The following GMDS variants were observed in gnomAD, a reference collection of about 807,000 sequenced individuals.
GMDS encodes GDP-mannose 4,6 dehydratase.
Under a neutral mutation model 49.9 loss-of-function variants are expected in GMDS, and 20 were observed. The ratio of observed to expected loss-of-function variants is 0.40; its 90% CI spans 0.28 to 0.58. The LOEUF (loss-of-function observed/expected upper bound fraction) is 0.58. Among genes scored for constraint, GMDS ranks in the 20% least tolerant of loss-of-function variants. The pLI, the probability that GMDS is intolerant of heterozygous loss-of-function variation, is 0.42. For synonymous variants in GMDS, 177 were observed against 178.6 expected (o/e 0.99, Z 0.07); for missense variants, 362 against 481.4 (o/e 0.75, Z 2.32).
intron 2 of GMDS, 88 bp downstream of exon 2, chr6:2,124,599 C>A: frequency 1.0e-6 from 1 of 964,946 alleles, no homozygotes. Context: ...GGAAAACACA[C>A]TCAGGAGGAC....
intron 7 of GMDS, among the ~76,000 whole-genome samples, chr6:1,901,078 C>T (rs778960830): frequency 2.8e-4 from 43 of 152,206 alleles, no homozygotes; most frequent in African/African-American, 9.7e-4. Context: ...GGTAGCAGAG[C>T]GTAAGCAGCC....
chr6:1,701,867 A>G (rs917947091), intron 9 of GMDS, among the ~76,000 whole-genome samples: 42 of 152,370 alleles, frequency 2.8e-4, no homozygotes, highest in African/African-American at 9.9e-4. Context: ...ACAATTTTAT[A>G]TGGAATGAAA....
chr6:1,725,967 G>C (rs570624647), intron 9 of GMDS, among the ~76,000 whole-genome samples: 2 of 152,316 alleles, frequency 1.3e-5, no homozygotes, highest in East Asian at 3.9e-4. Context: ...TAAAAAGCAG[G>C]GGAGACCATT....
At chr6:2,096,550 G>T (rs1773612616) in intron 4 of GMDS, among the ~76,000 whole-genome samples, 1 of 152,242 alleles carries the variant, frequency 6.6e-6, no homozygotes, top group South Asian at 2.1e-4. Context: ...ATTTTAAGGA[G>T]CATGACAAGC....
intron 4 of GMDS, among the ~76,000 whole-genome samples, chr6:2,004,920 C>A (rs2127386761): frequency 6.6e-6 from 1 of 152,220 alleles, no homozygotes; most frequent in East Asian, 1.9e-4. Context: ...TAAAATACAG[C>A]AACTGGAATT....
intron 9 of GMDS, among the ~76,000 whole-genome samples, chr6:1,689,871 T>C (rs1765113496): frequency 6.6e-6 from 1 of 151,550 alleles, no homozygotes; most frequent in African/African-American, 2.4e-5. Flanking sequence ...GTATTCACAC[T>C]GGCTTACAAC....
In GMDS at chr6:2,042,569, C is replaced by T. The variant is rs530360117; in HGVS notation, c.345+73202G>A. On this transcript the variant is annotated intron_variant, in intron 4 of 10. Transcript: ENST00000380815. Reference sequence around the variant, plus strand: ...CACATTTACAGGGCTCATCTATTGACAGTCCAATTTTTAAATTCCAATTTA... The same window carrying T: ...CACATTTACAGGGCTCATCTATTGATAGTCCAATTTTTAAATTCCAATTTA... 3.3e-5 allele frequency among the ~76,000 whole-genome samples: 5 copies of T among 152,284 alleles called. No homozygotes were observed. In the East Asian group the frequency reaches 5.8e-4, roughly 18 times the overall value.
chr6:1,749,467 C>T (rs753015944), intron 7 of GMDS, among the ~76,000 whole-genome samples: 5 of 152,056 alleles, frequency 3.3e-5, no homozygotes, highest in African/African-American at 4.8e-5. Context: ...GGCGGGGGCA[C>T]CTGTAATCCC....
chr6:2,237,785 G>C (rs1781432680), intron 1 of GMDS, among the ~76,000 whole-genome samples: 1 of 152,194 alleles, frequency 6.6e-6, no homozygotes, highest in Admixed American at 6.5e-5. Flanking sequence ...GCCTCCCAAA[G>C]TGTTGGGATT....
intron 7 of GMDS, among the ~76,000 whole-genome samples, chr6:1,892,176 C>A (rs1759901655): frequency 6.6e-6 from 1 of 151,932 alleles, no homozygotes; most frequent in African/African-American, 2.4e-5. Flanking sequence ...CATTTCTTTT[C>A]TCTCGGGGGA....
chr6:1,759,038 T>A (rs1372492788), intron 7 of GMDS, among the ~76,000 whole-genome samples: 1 of 152,190 alleles, frequency 6.6e-6, no homozygotes, highest in Non-Finnish European at 1.5e-5. Flanking sequence ...TTCTCACGCC[T>A]CAGCCTCTAG....
chr6:1,856,115 C>T (rs1210546052), intron 7 of GMDS, among the ~76,000 whole-genome samples: 1 of 152,144 alleles, frequency 6.6e-6, no homozygotes, highest in Admixed American at 6.5e-5. Context: ...ACATAGACTG[C>T]CTCAGGGGGT....
chr6:2,172,958 C>T (rs2127555917), intron 1 of GMDS, among the ~76,000 whole-genome samples: 1 of 152,168 alleles, frequency 6.6e-6, no homozygotes, highest in South Asian at 2.1e-4. Flanking sequence ...ACATATTAGG[C>T]CACAAAGAAA....
At chr6:2,184,835 C>A (rs1477484868) in intron 1 of GMDS, among the ~76,000 whole-genome samples, 2 of 152,166 alleles carry the variant, frequency 1.3e-5, no homozygotes, top group Non-Finnish European at 2.9e-5. Flanking sequence ...CCATTGGGAA[C>A]CATTGTAATC....
chr6:1,678,583 T>A (rs551387496), intron 9 of GMDS, among the ~76,000 whole-genome samples: 16 of 152,266 alleles, frequency 1.1e-4, no homozygotes, highest in African/African-American at 3.6e-4. Context: ...ACTTTTATTT[T>A]TTTTTTTCTC....
intron 7 of GMDS, among the ~76,000 whole-genome samples, chr6:1,905,128 C>T (rs1760691589): frequency 1.3e-5 from 2 of 152,232 alleles, no homozygotes; most frequent in Admixed American, 6.5e-5. Context: ...GCTACTTAAC[C>T]AAGCGATGCC....
At chr6:1,915,843 G>A (rs1761358864) in intron 7 of GMDS, among the ~76,000 whole-genome samples, 1 of 152,178 alleles carries the variant, frequency 6.6e-6, no homozygotes, top group South Asian at 2.1e-4. Flanking sequence ...TTTTCAGTAC[G>A]CAATAAGGTT....
intron 8 of GMDS, among the ~76,000 whole-genome samples, chr6:1,737,530 C>T (rs1767042488): frequency 1.3e-5 from 2 of 151,162 alleles, no homozygotes; most frequent in African/African-American, 2.4e-5. Context: ...CAGAGATACA[C>T]ACACATACAC....
intron 4 of GMDS, among the ~76,000 whole-genome samples, chr6:2,065,357 G>A (rs1422540613): frequency 1.3e-5 from 2 of 152,172 alleles, no homozygotes; most frequent in African/African-American, 4.8e-5. Context: ...ACTCTAAAAA[G>A]CAGAGCGCCT....
Sources: allele counts gnomAD v4.1 joint callset (sites outside exome capture counted in the v4.1 genomes callset), GRCh38; gene constraint gnomAD v4.1.1; transcripts MANE v1.5; gene names NCBI Gene and HGNC (gene_info 2026-07-23, HGNC 2026-07-21).